Variants in DEPDC1B observed in about 807,000 individuals in gnomAD.
DEPDC1B encodes the protein DEP domain-containing protein 1B.
In DEPDC1B, 51 loss-of-function variants were observed where a neutral mutation model predicts 66.5. The observed-to-expected ratio is 0.77, with a 90% confidence interval of 0.61 to 0.97. DEPDC1B has a LOEUF of 0.97. Ranked by LOEUF, DEPDC1B falls within the 50% of genes least tolerant of loss-of-function variation. The pLI is 0.00. For missense variants in DEPDC1B, 552 were observed against 637.1 expected (o/e 0.87, Z 1.44); for synonymous variants, 226 against 223.6 (o/e 1.01, Z -0.10).
chr5:60,676,319 T>G (rs975344156), intron 2 of DEPDC1B, among the ~76,000 whole-genome samples: 5 of 151,332 alleles, frequency 3.3e-5, no homozygotes, highest in African/African-American at 4.9e-5. Context: ...ACACGGCACA[T>G]GTATACATAT....
At chr5:60,681,836 A>C (rs1754303003) in intron 2 of DEPDC1B, among the ~76,000 whole-genome samples, 1 of 151,904 alleles carries the variant, frequency 6.6e-6, no homozygotes, top group Non-Finnish European at 1.5e-5. Context: ...AGCTGGACTC[A>C]AACTCCCCTA....
intron 4 of DEPDC1B, 48 bp downstream of exon 4, chr5:60,645,444 T>A: frequency 2.0e-6 from 3 of 1,506,208 alleles, no homozygotes; most frequent in Non-Finnish European, 2.7e-6. Flanking sequence ...AGTAGCAAAA[T>A]AGGAAACAAT....
intron 7 of DEPDC1B, among the ~76,000 whole-genome samples, chr5:60,631,904 T>C (rs1186665148): frequency 2.0e-5 from 3 of 152,190 alleles, no homozygotes; most frequent in African/African-American, 4.8e-5. Context: ...GCACACTATC[T>C]GAACTTTGCC....
At chr5:60,621,239 G>GT (rs1244786260) in intron 7 of DEPDC1B, among the ~76,000 whole-genome samples, 1 of 151,572 alleles carries the variant, frequency 6.6e-6, no homozygotes, top group Non-Finnish European at 1.5e-5. Flanking sequence ...ATATACATAT[G>GT]TAACAAACCT....
At chr5:60,599,025 T>TA in intron 10 of DEPDC1B, 50 bp downstream of exon 10, 1 of 1,384,700 alleles carries the variant, frequency 7.2e-7, no homozygotes, top group Non-Finnish European at 9.7e-7. Flanking sequence ...AAAAAAAACA[T>TA]AAAAACAGTA....
In DEPDC1B at chr5:60,631,240, T is replaced by C. The variant is rs79924690; in HGVS notation, c.898+7510A>G. Among the ~76,000 whole-genome samples the C allele has an allele frequency of 1.3e-3, 191 of 152,326 alleles. 1 individual carries two copies. The highest frequency in any genetic ancestry group is 4.5e-3 in the African/African-American group (187 of 41,586). On this transcript the variant is annotated intron_variant, in intron 7 of 10. Coordinates refer to ENST00000265036, the MANE Select transcript of DEPDC1B (RefSeq NM_018369.3). ...GGAAATATTGGAACAGCTTCCTCATTACTGGGCATTGGAAAAGGTCCCATG... is the reference window on the plus strand; with the variant it reads ...GGAAATATTGGAACAGCTTCCTCATCACTGGGCATTGGAAAAGGTCCCATG...
rs1225819152 is a variant in DEPDC1B, at chr5:60,596,936, T to G, written c.*817A>C. The stretch of plus-strand genomic sequence containing the variant: ...ATGGCATTTTTAAAAAAAATAAGTT[T>G]ATTTACATTTCACTTACTTTCAAAA... On this transcript the variant is annotated 3_prime_UTR_variant, in exon 11 of 11. Transcript: ENST00000265036. 1 of 152,624 alleles carries G rather than the reference T, an allele frequency of 6.6e-6. No homozygotes were observed. Among genetic ancestry groups the G allele is most frequent in the Admixed American group, 6.5e-5 (1 of 15,278 alleles). 9.5% of individuals were successfully genotyped at this position (152,624 alleles called of 1,614,324 possible).
At chr5:60,665,664 C>G (rs954289725) in intron 2 of DEPDC1B, among the ~76,000 whole-genome samples, 1 of 152,138 alleles carries the variant, frequency 6.6e-6, no homozygotes, top group African/African-American at 2.4e-5. Context: ...GCCAACCTCC[C>G]CAACAACACT....
At chr5:60,668,159 T>TTTTA (rs1554055041) in intron 2 of DEPDC1B, among the ~76,000 whole-genome samples, 7 of 12,404 alleles carry the variant, frequency 5.6e-4, no homozygotes, top group Non-Finnish European at 6.2e-4. Flanking sequence ...AAAATGGATA[T>TTTTA]TATATATATA....
chr5:60,697,721 G>A (rs1361338901), intron 1 of DEPDC1B, among the ~76,000 whole-genome samples: 4 of 152,168 alleles, frequency 2.6e-5, no homozygotes, highest in Admixed American at 2.0e-4. Context: ...ACACTATGAA[G>A]TTGAGAACTG....
intron 2 of DEPDC1B, among the ~76,000 whole-genome samples, chr5:60,668,085 T>G (rs193213389): frequency 0.014 from 618 of 45,026 alleles, 21 homozygotes; most frequent in Middle Eastern, 0.041. Flanking sequence ...AATGGATATT[T>G]TATATATATA....
At chr5:60,674,673 T>C (rs1472063432) in intron 2 of DEPDC1B, among the ~76,000 whole-genome samples, 2 of 152,204 alleles carry the variant, frequency 1.3e-5, no homozygotes, top group Admixed American at 6.5e-5. Context: ...ATTGTGCTAT[T>C]TCCTAGGCCC....
intron 9 of DEPDC1B, among the ~76,000 whole-genome samples, chr5:60,601,043 T>G (rs944090404): frequency 6.6e-6 from 1 of 152,194 alleles, no homozygotes; most frequent in Non-Finnish European, 1.5e-5. Context: ...GCTCGGTGCT[T>G]CTCTCTCCTG....
chr5:60,675,875 C>A (rs1754143805), intron 2 of DEPDC1B, among the ~76,000 whole-genome samples: 1 of 151,936 alleles, frequency 6.6e-6, no homozygotes, highest in Non-Finnish European at 1.5e-5. Flanking sequence ...AAAACACTAA[C>A]AGTAGCTGCC....
At chr5:60,668,078 GGATATTT>G (rs1753924482) in intron 2 of DEPDC1B, among the ~76,000 whole-genome samples, 2 of 75,052 alleles carry the variant, frequency 2.7e-5, no homozygotes, top group Non-Finnish European at 4.9e-5. Flanking sequence ...TATATAAAAT[GGATATTT>G]TATATATATA....
chr5:60,652,881 C>T (rs1474972566), intron 2 of DEPDC1B, among the ~76,000 whole-genome samples: 1 of 149,294 alleles, frequency 6.7e-6, no homozygotes, highest in Non-Finnish European at 1.5e-5. Context: ...TGAGTTACTT[C>T]ACTTAGAATA....
chr5:60,614,764 G>A (rs1752502023), intron 7 of DEPDC1B, among the ~76,000 whole-genome samples: 1 of 152,206 alleles, frequency 6.6e-6, no homozygotes, highest in South Asian at 2.1e-4. Flanking sequence ...GCCAAGGCGG[G>A]TGGATCACCT....
intron 7 of DEPDC1B, among the ~76,000 whole-genome samples, chr5:60,609,289 T>C (rs1752370426): frequency 6.6e-6 from 1 of 152,100 alleles, no homozygotes; most frequent in South Asian, 2.1e-4. Context: ...AGGGCCTCCC[T>C]TTTCCTCCCT....
chr5:60,654,155 T>C (rs1753523781), intron 2 of DEPDC1B, among the ~76,000 whole-genome samples: 1 of 149,118 alleles, frequency 6.7e-6, no homozygotes, highest in Admixed American at 6.7e-5. Context: ...GATGGTGGTA[T>C]ATTAATGGGA....
Sources: allele counts gnomAD v4.1 joint callset (sites outside exome capture counted in the v4.1 genomes callset), GRCh38; gene constraint gnomAD v4.1.1; transcripts MANE v1.5; gene names NCBI Gene and HGNC (gene_info 2026-07-23, HGNC 2026-07-21).